RBM17: variants seen among roughly 807,000 people sequenced by gnomAD.
RBM17 encodes the protein RNA binding motif protein 17, also known as splicing factor 45.
A neutral mutation model predicts 53.2 loss-of-function variants in RBM17; 7 were observed. That is an observed-to-expected ratio of 0.13 (90% CI 0.07 to 0.25). RBM17 has a LOEUF of 0.25. RBM17 is among the 10% of genes least tolerant of loss of function. The pLI, the probability that RBM17 is intolerant of heterozygous loss-of-function variation, is 1.00. For missense variants in RBM17, 257 were observed against 496.7 expected, an observed-to-expected ratio of 0.52 and a Z score of 4.59; for synonymous variants, 167 against 178.1, an observed-to-expected ratio of 0.94 and a Z score of 0.50.
At chr10:6,098,244 C>T (rs1055793952) in intron 2 of RBM17, among the ~76,000 whole-genome samples, 2 of 152,084 alleles carry the variant, frequency 1.3e-5, no homozygotes, top group Admixed American at 1.3e-4. Context: ...AAACCTTGCT[C>T]GTGTTGTGCA....
chr10:6,093,514 C>A (rs967016690), intron 1 of RBM17, among the ~76,000 whole-genome samples: 7 of 152,148 alleles, frequency 4.6e-5, no homozygotes, highest in Non-Finnish European at 8.8e-5. Context: ...CCACCGCAGC[C>A]GGCCCATTAT....
rs1564571137 is a variant in RBM17, at chr10:6,116,887, C to T, written c.*1331C>T. On this transcript the variant is annotated 3_prime_UTR_variant, in exon 12 of 12. Coordinates refer to ENST00000379888, the MANE Select transcript of RBM17 (RefSeq NM_032905.5). ...ATTGAGTTTTATGATAAAAGTGCAC[C>T]TGTTCTGTAAAGTAAGTTGGGGTTA... 1 of 152,018 alleles carries T rather than the reference C, an allele frequency of 6.6e-6. No individual in the cohort carries two copies. The allele number at this position is 152,018 out of a possible 1,614,324, so 9.4% of individuals were successfully genotyped here.
At position 6,114,096 on chromosome 10, in the gene RBM17, C is replaced by T. The variant is rs369303270; in HGVS notation, c.978C>T (p.Thr326=). ...GEVDEDLEVE[T]KEECEKYGKV... ...TGGATGAAGACTTGGAAGTTGAAACCAAGGAAGAATGTGAAAAATATGGCA... is the reference window on the plus strand; with the variant it reads ...TGGATGAAGACTTGGAAGTTGAAACTAAGGAAGAATGTGAAAAATATGGCA... The change falls in exon 10 of 12, where the codon ACC becomes ACT. Residue 326 remains threonine, a synonymous_variant. Coordinates refer to ENST00000379888, the MANE Select transcript of RBM17 (RefSeq NM_032905.5). 6.8e-6 allele frequency: 11 copies of T among 1,613,232 alleles called. No homozygotes were observed. Among genetic ancestry groups the T allele is most frequent in the Admixed American group, 1.7e-5 (1 of 59,992 alleles).
intron 1 of RBM17, among the ~76,000 whole-genome samples, chr10:6,090,303 A>T (rs185159665): frequency 6.6e-6 from 1 of 152,356 alleles, no homozygotes; most frequent in Admixed American, 6.5e-5. Flanking sequence ...TGGAGTTTTT[A>T]AAAGGATGCA....
rs71390125 is a variant in RBM17 at position 6,115,872 on chromosome 10, TAAAAAA to T, written c.*333_*338del. On this transcript the variant is annotated 3_prime_UTR_variant, in exon 12 of 12. Coordinates refer to ENST00000379888, the MANE Select transcript of RBM17 (RefSeq NM_032905.5). ...TTCAATGATGCAGCATTTCTTGCAC[TAAAAAA>T]AAAAAAAAAAAAAAAACTAGAAAGT... The T allele has an allele frequency of 8.4e-3, 1,158 of 137,380 alleles. 3 individuals carry two copies. Among genetic ancestry groups the T allele is most frequent in the Middle Eastern group, 0.015 (4 of 264 alleles). The allele number at this position is 137,380 out of a possible 1,614,324, so 8.5% of individuals were successfully genotyped here.
At chr10:6,110,222 T>C in intron 7 of RBM17, 95 bp downstream of exon 7, 1 of 1,166,736 alleles carries the variant, frequency 8.6e-7, no homozygotes, top group Non-Finnish European at 1.2e-6. Flanking sequence ...ACTGAGGACA[T>C]TCAGGACCCT....
intron 10 of RBM17, chr10:6,114,742 G>A (rs904863221): frequency 6.3e-5 from 10 of 159,210 alleles, no homozygotes; most frequent in Admixed American, 4.3e-4. Flanking sequence ...ATAATGGCTC[G>A]TAGGAGACAG....
intron 10 of RBM17, 43 bp from the exon 11 acceptor site, chr10:6,115,196 A>G (rs1397592471): frequency 6.7e-7 from 1 of 1,489,928 alleles, no homozygotes. Flanking sequence ...CATTCAATGC[A>G]ATCTCAAATG....
intron 1 of RBM17, among the ~76,000 whole-genome samples, chr10:6,092,406 G>A (rs1275657834): frequency 1.3e-5 from 2 of 152,106 alleles, no homozygotes; most frequent in African/African-American, 2.4e-5. Context: ...TTAATATAGC[G>A]AAAATAAAGA....
chr10:6,109,619 C>T (rs1840807130), intron 6 of RBM17, among the ~76,000 whole-genome samples: 1 of 152,118 alleles, frequency 6.6e-6, no homozygotes, highest in South Asian at 2.1e-4. Flanking sequence ...GACAGGTGCA[C>T]CCAAGTTACT....
intron 2 of RBM17, among the ~76,000 whole-genome samples, chr10:6,099,334 A>G (rs954413463): frequency 2.0e-5 from 3 of 152,054 alleles, no homozygotes; most frequent in African/African-American, 7.2e-5. Context: ...TTAGTTACTC[A>G]GAATACTAGA....
chr10:6,092,507 C>T (rs1048123096), intron 1 of RBM17, among the ~76,000 whole-genome samples: 1 of 151,944 alleles, frequency 6.6e-6, no homozygotes, highest in African/African-American at 2.4e-5. Flanking sequence ...AAGAGGATTC[C>T]GGGGAAATTA....
intron 4 of RBM17, 63 bp from the exon 5 acceptor site, chr10:6,106,078 C>A: frequency 8.7e-7 from 1 of 1,150,990 alleles, no homozygotes. Flanking sequence ...AGGAAGTCAT[C>A]CCAGGTTCAG....
rs1554834988 is a variant in RBM17, at chr10:6,098,563, G to GTGTT, written c.123+1376_123+1377insGTTT. Among the ~76,000 whole-genome samples, 38 of 46,666 alleles carry GTGTT rather than the reference G, an allele frequency of 8.1e-4. 1 individual carries two copies. The highest frequency in any genetic ancestry group is 1.3e-3 in the East Asian group (3 of 2,318). 30.6% of individuals were successfully genotyped at this position (46,666 alleles called of 152,430 possible). On this transcript the variant is annotated intron_variant, in intron 2 of 11. Coordinates refer to ENST00000379888, the MANE Select transcript of RBM17 (RefSeq NM_032905.5). ...AATTTCCGTAATACACAGGTTTTTT[G>GTGTT]TTTTTTTTTTTTTTTTTTTTTTTTT...
intron 2 of RBM17, among the ~76,000 whole-genome samples, chr10:6,098,997 T>G (rs1447710669): frequency 3.3e-5 from 5 of 152,216 alleles, no homozygotes; most frequent in Non-Finnish European, 5.9e-5. Context: ...TTACCAAATT[T>G]AGATTTTTTG....
At position 6,112,587 on chromosome 10, in the gene RBM17, C is replaced by A; in HGVS notation, c.856+226C>A. The stretch of plus-strand genomic sequence containing the variant: ...ATCCTGAGGCTCATCTTTATTTTTT[C>A]AGAACAGACGTAGAGAGATGAAGGC... On this transcript the variant is annotated intron_variant, in intron 8 of 11. Transcript: ENST00000379888. This position sits in a 1 kb window ranked among gnomAD's most constrained non-coding sequence, Gnocchi z 4.4. 1 of 557,884 alleles carries A rather than the reference C, an allele frequency of 1.8e-6. No homozygotes were observed. Among genetic ancestry groups the A allele is most frequent in the Non-Finnish European group, 3.2e-6 (1 of 308,998 alleles). The allele number at this position is 557,884 out of a possible 1,614,324, so 34.6% of individuals were successfully genotyped here.
intron 5 of RBM17, among the ~76,000 whole-genome samples, chr10:6,106,819 T>C (rs1840755358): frequency 2.0e-5 from 3 of 152,230 alleles, no homozygotes; most frequent in Admixed American, 6.5e-5. Flanking sequence ...TAGCTTTGAA[T>C]GAGAAGACTT....
chr10:6,090,116 C>G (rs1405688837), intron 1 of RBM17: 2 of 152,132 alleles, frequency 1.3e-5, no homozygotes, highest in Non-Finnish European at 2.9e-5. Context: ...GCTGTGTTTC[C>G]AGGAGTAGTC....
chr10:6,115,338 A>G, intron 11 of RBM17, 27 bp downstream of exon 11: 1 of 1,586,524 alleles, frequency 6.3e-7, no homozygotes, highest in Non-Finnish European at 8.6e-7. Context: ...AATATTAAAG[A>G]ATAAAAAAGT....
Sources: allele counts gnomAD v4.1 joint callset (sites outside exome capture counted in the v4.1 genomes callset), GRCh38; gene constraint gnomAD v4.1.1; non-coding constraint Gnocchi (gnomAD v3.1); transcripts MANE v1.5; gene names NCBI Gene and HGNC (gene_info 2026-07-23, HGNC 2026-07-21).